ARHGEF10: variants seen among roughly 807,000 people sequenced by gnomAD.
ARHGEF10 encodes the protein Rho guanine nucleotide exchange factor (GEF) 10.
A neutral mutation model predicts 147.4 loss-of-function variants in ARHGEF10; 140 were observed. The observed-to-expected ratio is 0.95, with a 90% CI of 0.83 to 1.09. ARHGEF10 has a LOEUF of 1.09. Among genes scored for constraint, ARHGEF10 ranks in the 50% least tolerant of loss-of-function variants. The pLI is 0.00. For missense variants in ARHGEF10, 2,222 were observed against 1,752.7 expected (o/e 1.27, Z -4.78); for synonymous variants, 902 against 695.8 (o/e 1.30, Z -4.67).
rs986092517 is a variant in ARHGEF10, at chr8:1,923,821, C to G, written c.2435C>G (p.Pro812Arg). The change falls in exon 21 of 29, where the codon CCT becomes CGT. Residue 812 changes from proline (P) to arginine (R), a missense_variant. Coordinates refer to ENST00000349830, the MANE Select transcript of ARHGEF10 (RefSeq NM_014629.4). ...ACAGCTGTGTTCAATACGTTCACCCCTGCCATCAAGGAGTCCTGGGTCAAC... is the reference window on the plus strand; with the variant it reads ...ACAGCTGTGTTCAATACGTTCACCCGTGCCATCAAGGAGTCCTGGGTCAAC... ...FFTAVFNTFT[P>R]AIKESWVNSL... 1 of 1,614,194 alleles carries G rather than the reference C, an allele frequency of 6.2e-7. No homozygotes were observed. Among genetic ancestry groups the G allele is most frequent in the Non-Finnish European group, 8.5e-7 (1 of 1,180,026 alleles).
intron 22 of ARHGEF10, among the ~76,000 whole-genome samples, chr8:1,925,606 T>C (rs1795612298): frequency 6.6e-6 from 1 of 152,234 alleles, no homozygotes; most frequent in African/African-American, 2.4e-5. Context: ...CCATTGTCTC[T>C]GAAGCCCAGT....
At chr8:1,826,479 G>A (rs961046346) in intron 1 of ARHGEF10, among the ~76,000 whole-genome samples, 9 of 152,082 alleles carry the variant, frequency 5.9e-5, no homozygotes, top group Non-Finnish European at 1.5e-5. Flanking sequence ...GCGTTGGGTG[G>A]TGTGGAGGGT....
chr8:1,939,534 C>T (rs922089684), intron 26 of ARHGEF10, among the ~76,000 whole-genome samples: 3 of 152,208 alleles, frequency 2.0e-5, no homozygotes, highest in Non-Finnish European at 4.4e-5. Context: ...ACGGTTACTA[C>T]GAGTTTCACG....
At chr8:1,869,960 A>C (rs1806959606) in intron 7 of ARHGEF10, 1 of 156,002 alleles carries the variant, frequency 6.4e-6, no homozygotes. Context: ...CATAGAATCT[A>C]AGGAAATAGT....
upstream of ARHGEF10, among the ~76,000 whole-genome samples, chr8:1,823,725 C>T (rs1274098157): frequency 2.0e-5 from 3 of 151,832 alleles, no homozygotes; most frequent in Non-Finnish European, 4.4e-5. Context: ...CTGCCGCGCG[C>T]CCCCTCCCAC....
At chr8:1,915,776 T>C (rs1811715878) in intron 18 of ARHGEF10, among the ~76,000 whole-genome samples, 1 of 152,258 alleles carries the variant, frequency 6.6e-6, no homozygotes, top group African/African-American at 2.4e-5. Context: ...AGTGGTTCCA[T>C]GCAAAGAGGG....
At chr8:1,906,392 G>A (rs1005187635) in intron 17 of ARHGEF10, among the ~76,000 whole-genome samples, 2 of 152,180 alleles carry the variant, frequency 1.3e-5, no homozygotes, top group Non-Finnish European at 2.9e-5. Flanking sequence ...ACATTTGGTA[G>A]CTTGAAGTCA....
chr8:1,877,690 G>C (rs1807823671), intron 8 of ARHGEF10, among the ~76,000 whole-genome samples: 1 of 151,858 alleles, frequency 6.6e-6, no homozygotes, highest in Non-Finnish European at 1.5e-5. Context: ...CACCTCCCAG[G>C]TCTCGGTGGT....
At chr8:1,833,315 A>AG (rs1803365552) in intron 1 of ARHGEF10, among the ~76,000 whole-genome samples, 16 of 122,456 alleles carry the variant, frequency 1.3e-4, no homozygotes, top group Admixed American at 8.9e-4. Flanking sequence ...CAGAGACAGA[A>AG]GCAGAGGGAG....
At chr8:1,926,106 G>A (rs945143989) in intron 22 of ARHGEF10, among the ~76,000 whole-genome samples, 2 of 152,188 alleles carry the variant, frequency 1.3e-5, no homozygotes, top group African/African-American at 2.4e-5. Context: ...CATCTGAAGC[G>A]CCCTGAGCTG....
intron 27 of ARHGEF10, among the ~76,000 whole-genome samples, chr8:1,946,828 G>C (rs1260188959): frequency 2.0e-5 from 3 of 152,154 alleles, no homozygotes; most frequent in African/African-American, 7.2e-5. Flanking sequence ...GTTCCTCGGG[G>C]CCTCCGTGTC....
intron 1 of ARHGEF10, among the ~76,000 whole-genome samples, chr8:1,829,967 C>A (rs1244339867): frequency 3.3e-5 from 5 of 152,176 alleles, no homozygotes; most frequent in African/African-American, 1.2e-4. Context: ...GGGAGCGAGT[C>A]ATAGGTAGCG....
chr8:1,954,472 T>TAAA (rs34310341), intron 28 of ARHGEF10, among the ~76,000 whole-genome samples: 3 of 149,480 alleles, frequency 2.0e-5, no homozygotes, highest in Non-Finnish European at 4.5e-5. Context: ...ATTCCAACAT[T>TAAA]AAAAAAAAAA....
At chr8:1,877,984 A>G (rs912640201) in intron 8 of ARHGEF10, among the ~76,000 whole-genome samples, 8 of 151,916 alleles carry the variant, frequency 5.3e-5, no homozygotes, top group African/African-American at 1.5e-4. Flanking sequence ...CCACGTCCCT[A>G]TGGTTTACAA....
Position 1,905,863 on chromosome 8 carries a change from A to G in ARHGEF10, c.1967+147A>G, listed in dbSNP as rs540532300. The G allele has an allele frequency of 5.1e-5, 48 of 942,326 alleles. No homozygotes were observed. The East Asian group carries it at 1.2e-3, about 24-fold the overall frequency. 58.4% of individuals were successfully genotyped at this position (942,326 alleles called of 1,614,324 possible). A position where few individuals can be genotyped will look rare whatever the true frequency, so the allele number is the denominator to read the frequency against. ...CTGTCCTGTGACTAAGGGAACCCTT[A>G]TAATAAGCAAGCTTATTTTTAAATA... On this transcript the variant is annotated intron_variant, in intron 17 of 28. Coordinates refer to ENST00000349830, the MANE Select transcript of ARHGEF10 (RefSeq NM_014629.4).
intron 15 of ARHGEF10, among the ~76,000 whole-genome samples, chr8:1,899,240 C>G (rs1242928045): frequency 1.3e-5 from 2 of 152,186 alleles, no homozygotes; most frequent in Non-Finnish European, 2.9e-5. Context: ...CCAGGTGACC[C>G]TGTAGGCTGC....
intron 22 of ARHGEF10, among the ~76,000 whole-genome samples, chr8:1,925,876 G>A (rs1812652521): frequency 6.6e-6 from 1 of 152,190 alleles, no homozygotes; most frequent in African/African-American, 2.4e-5. Flanking sequence ...ACAGGCCAGG[G>A]CCTTCAGTGA....
At chr8:1,883,073 G>C (rs1365757563) in intron 10 of ARHGEF10, among the ~76,000 whole-genome samples, 1 of 152,200 alleles carries the variant, frequency 6.6e-6, no homozygotes, top group Non-Finnish European at 1.5e-5. Context: ...ATAGCACATT[G>C]GCCCTCCTGG....
intron 2 of ARHGEF10, among the ~76,000 whole-genome samples, chr8:1,845,722 TACCACCACC>T (rs1804507494): frequency 2.6e-5 from 4 of 152,202 alleles, no homozygotes; most frequent in South Asian, 4.1e-4. Flanking sequence ...TGCCCAGCGG[TACCACCACC>T]TGGATTGCAT....
Sources: gnomAD v4.1 joint callset for allele counts (sites outside exome capture counted in the v4.1 genomes callset) on GRCh38, gnomAD v4.1.1 for gene constraint, MANE v1.5 for transcripts, NCBI Gene and HGNC (gene_info 2026-07-23, HGNC 2026-07-21) for gene names.